ZBED6: variants seen among roughly 807,000 people sequenced by gnomAD.
The protein encoded by ZBED6 is zinc finger BED-type containing 6.
ZBED6 carries 40 observed loss-of-function variants against 58.4 expected under a neutral mutation model. That is an observed-to-expected ratio of 0.68 (90% CI 0.53 to 0.89). ZBED6 has a LOEUF of 0.89. Among genes scored for constraint, ZBED6 ranks in the 40% least tolerant of loss-of-function variants. The pLI is 0.00. For synonymous variants in ZBED6, 439 were observed against 350.6 expected (o/e 1.25, Z -2.82); for missense variants, 1,057 against 1,003.9 (o/e 1.05, Z -0.71).
At chr1:203,796,191 T>G (rs1668427985) in exon 1 of ZBED6, 1 of 379,214 alleles carries the variant, frequency 2.6e-6, no homozygotes, top group East Asian at 3.8e-5. Flanking sequence ...CTAGATTGCT[T>G]TCTTCGGGGC....
At chr1:203,847,766 GTTGT>G in intron 12 of ZBED6, 79 bp downstream of exon 12, 1 of 1,532,942 alleles carries the variant, frequency 6.5e-7, no homozygotes, top group Non-Finnish European at 8.7e-7. Context: ...CTTCCTAGGA[GTTGT>G]TTGACAACCT....
At position 203,797,358 on chromosome 1, in the gene ZBED6, TTCCTCCAA is replaced by T; in HGVS notation, c.-164_-157del. The T allele has an allele frequency of 3.2e-6, 2 of 619,748 alleles. No homozygotes were observed. The highest frequency in any genetic ancestry group is 2.7e-5 in the South Asian group (1 of 37,402). 38.4% of individuals were successfully genotyped at this position (619,748 alleles called of 1,614,324 possible). A position where few individuals can be genotyped will look rare whatever the true frequency, so the allele number is the denominator to read the frequency against. On this transcript the variant is annotated 5_prime_UTR_variant, in exon 1 of 17. The change creates a premature stop within an existing upstream ORF in the 5' untranslated region. Transcript: ENST00000550078. ...GGAATGTTCTCCATTGCTGTCAGTT[TTCCTCCAA>T]AAATAACCTGGCTTGGAAGTTATTG...
chr1:203,853,333 G>A (rs1253879340), exon 17 of ZBED6: 1 of 152,570 alleles, frequency 6.6e-6, no homozygotes, highest in African/African-American at 2.4e-5. Flanking sequence ...GCTTATTCAA[G>A]CTGCCAATAT....
chr1:203,821,149 G>A (rs12402315), intron 3 of ZBED6, among the ~76,000 whole-genome samples: 19,191 of 152,008 alleles, frequency 0.13, 1,597 homozygotes, highest in East Asian at 0.29. Flanking sequence ...TAGTGAGTGC[G>A]TTCTCGTGAG....
intron 11 of ZBED6, among the ~76,000 whole-genome samples, chr1:203,846,289 A>G (rs982639669): frequency 5.9e-5 from 9 of 152,096 alleles, no homozygotes; most frequent in Admixed American, 1.3e-4. Context: ...AGTAATGAGA[A>G]TGGTTCTATC....
intron 10 of ZBED6, 29 bp from the exon 11 acceptor site, chr1:203,840,277 T>C (rs1416915918): frequency 8.1e-6 from 13 of 1,609,330 alleles, no homozygotes; most frequent in East Asian, 2.2e-5. Context: ...TGTTCAACTT[T>C]TGATTTTTGA....
intron 10 of ZBED6, among the ~76,000 whole-genome samples, chr1:203,839,334 G>A (rs375945922): frequency 1.5e-4 from 23 of 152,170 alleles, no homozygotes; most frequent in African/African-American, 2.4e-5. Flanking sequence ...GCACTATTGC[G>A]CCCCTCAGGG....
Position 203,851,047 on chromosome 1 carries a change from C to A in ZBED6, c.*4806-10C>A. On this transcript the variant is annotated splice_polypyrimidine_tract_variant and intron_variant, in intron 15 of 16. Coordinates refer to ENST00000550078, the Ensembl canonical transcript of ZBED6. Reference sequence around the variant, plus strand: ...ACTCTCACTGAATTACCTGACTCTTCCTTTTGTAGGCTGTTGTCCCGCTTG... The same window carrying A: ...ACTCTCACTGAATTACCTGACTCTTACTTTTGTAGGCTGTTGTCCCGCTTG... The A allele has an allele frequency of 6.2e-7, 1 of 1,613,806 alleles. No homozygotes were observed. Among genetic ancestry groups the A allele is most frequent in the Non-Finnish European group, 8.5e-7 (1 of 1,179,944 alleles).
chr1:203,825,068 C>G (rs747843068), intron 3 of ZBED6, among the ~76,000 whole-genome samples: 10 of 115,830 alleles, frequency 8.6e-5, no homozygotes, highest in Non-Finnish European at 1.5e-4. Flanking sequence ...CAGAGCGAGA[C>G]TCCGTCTCAA....
chr1:203,820,853 A>T (rs1295221776), intron 3 of ZBED6, among the ~76,000 whole-genome samples: 2 of 152,008 alleles, frequency 1.3e-5, no homozygotes, highest in Non-Finnish European at 2.9e-5. Flanking sequence ...AACTTTGATC[A>T]CTCAATTAAG....
intron 13 of ZBED6, among the ~76,000 whole-genome samples, chr1:203,849,126 C>T (rs1425071785): frequency 2.0e-5 from 3 of 152,334 alleles, no homozygotes; most frequent in East Asian, 3.9e-4. Flanking sequence ...TTCAAGTGAT[C>T]TGCCTGCCTT....
At chr1:203,804,006 T>G (rs1382550371) in intron 1 of ZBED6, among the ~76,000 whole-genome samples, 1 of 152,214 alleles carries the variant, frequency 6.6e-6, no homozygotes, top group Non-Finnish European at 1.5e-5. Context: ...GATGTGTGCA[T>G]TATTTTTTGG....
chr1:203,851,669 A>T (rs537791755), intron 16 of ZBED6, among the ~76,000 whole-genome samples: 1 of 151,910 alleles, frequency 6.6e-6, no homozygotes, highest in Non-Finnish European at 1.5e-5. Flanking sequence ...AGTTATAAAA[A>T]TGCTTGGTGC....
chr1:203,818,834 C>G (rs1437878433), intron 3 of ZBED6, 145 bp downstream of exon 3: 25 of 1,290,946 alleles, frequency 1.9e-5, no homozygotes, highest in Middle Eastern at 2.3e-4. Context: ...CTTTGGGAGG[C>G]TGAGGCGGGT....
chr1:203,847,098 C>A, intron 11 of ZBED6, 86 bp from the exon 12 acceptor site: 1 of 1,408,068 alleles, frequency 7.1e-7, no homozygotes, highest in South Asian at 1.3e-5. Flanking sequence ...CTCTGTTGGA[C>A]TGTCTTGATC....
exon 1 of ZBED6, chr1:203,798,510 A>G (rs1465774274): frequency 6.5e-7 from 1 of 1,536,146 alleles, no homozygotes; most frequent in South Asian, 1.2e-5. Context: ...TGCTGTTGCA[A>G]ATGGATTAGA....
In ZBED6 at chr1:203,804,150, G is replaced by GT. The variant is rs1209891980; in HGVS notation, c.*2554+1135dup. Among the ~76,000 whole-genome samples, 51 of 131,004 alleles carry GT rather than the reference G, an allele frequency of 3.9e-4. 1 individual carries two copies. The highest frequency in any genetic ancestry group is 3.1e-3 in the East Asian group (13 of 4,144). The allele number at this position is 131,004 out of a possible 152,430, so 85.9% of individuals were successfully genotyped here. ...ACTTCTTCATTTTCTTCCTGTATAT[G>GT]TGTTTTTTTTTTTTTTTTTGAGACA... is the stretch of plus-strand genomic sequence containing the variant. On this transcript the variant is annotated intron_variant, in intron 1 of 16. Coordinates refer to ENST00000550078, the Ensembl canonical transcript of ZBED6.
Position 203,811,146 on chromosome 1 carries a change from A to C in ZBED6, c.*2555-5780A>C, listed in dbSNP as rs1404557585. 6.0e-5 allele frequency among the ~76,000 whole-genome samples: 9 copies of C among 149,674 alleles called. No homozygotes were observed. The East Asian group carries it at 1.8e-3, about 29-fold the overall frequency. On this transcript the variant is annotated intron_variant, in intron 1 of 16. Coordinates refer to ENST00000550078, the Ensembl canonical transcript of ZBED6. Reference sequence around the variant, plus strand: ...GTAGAAGAGTGAAACTCTGTCACAAAAAAAAAAAAAAAAAAGCCAAGTGTG... The same window carrying C: ...GTAGAAGAGTGAAACTCTGTCACAACAAAAAAAAAAAAAAAGCCAAGTGTG...
At chr1:203,849,104 C>T (rs370938762) in intron 13 of ZBED6, among the ~76,000 whole-genome samples, 2 of 152,192 alleles carry the variant, frequency 1.3e-5, no homozygotes, top group African/African-American at 2.4e-5. Context: ...AGAGTGGTCT[C>T]GAACTTCTGG....
Sources: allele counts gnomAD v4.1 joint callset (sites outside exome capture counted in the v4.1 genomes callset), GRCh38; gene constraint gnomAD v4.1.1; transcripts MANE v1.5; gene names NCBI Gene and HGNC (gene_info 2026-07-23, HGNC 2026-07-21).